Variants in SAXO1 observed in about 807,000 individuals in gnomAD.
The protein encoded by SAXO1 is stabilizer of axonemal microtubules 1, also known as 4930500O09Rik.
SAXO1 carries 21 observed loss-of-function variants against 17.5 expected under a neutral mutation model. That is an observed-to-expected ratio of 1.20 (90% CI 0.85 to 1.72). The LOEUF is 1.72. Ranked by LOEUF, SAXO1 falls within the 40% of genes most tolerant of loss-of-function variation. SAXO1 has a pLI of 0.00. For missense variants in SAXO1, 843 were observed against 596.0 expected, an observed-to-expected ratio of 1.41 and a Z score of -4.32; for synonymous variants, 274 against 216.5, an observed-to-expected ratio of 1.27 and a Z score of -2.33.
intron 1 of SAXO1, among the ~76,000 whole-genome samples, chr9:18,964,127 G>T (rs893347471): frequency 1.3e-5 from 2 of 152,198 alleles, no homozygotes; most frequent in African/African-American, 4.8e-5. Flanking sequence ...AAGCTGACTT[G>T]ATTGTGGTGG....
intron 1 of SAXO1, among the ~76,000 whole-genome samples, chr9:19,003,099 A>G (rs1183713451): frequency 1.3e-5 from 2 of 152,172 alleles, no homozygotes; most frequent in Non-Finnish European, 2.9e-5. Flanking sequence ...TACACAAAGA[A>G]CAGACAAACA....
In SAXO1 at chr9:18,928,412, G is replaced by A. The variant is rs770436685; in HGVS notation, c.1065C>T (p.Val355=). ...GCAAGTCCAGCTGGGGAACGGGCTT[G>A]ACTGGCTCTGTGCGCATGCTGGACC... is the stretch of plus-strand genomic sequence containing the variant. The part of the protein sequence containing the change: ...KQWSSMRTEP[V]KPVPQLDLPT... Residue 355 remains valine (V), a synonymous_variant, in exon 4 of 4, where the codon GTC becomes GTT. Transcript: ENST00000380534. The A allele has an allele frequency of 1.2e-6, 2 of 1,609,948 alleles. No homozygotes were observed. The highest frequency in any genetic ancestry group is 2.2e-5 in the South Asian group (2 of 90,544).
At chr9:19,039,750 T>C (rs1156891966) in intron 1 of SAXO1, among the ~76,000 whole-genome samples, 2 of 152,180 alleles carry the variant, frequency 1.3e-5, no homozygotes, top group South Asian at 2.1e-4. Context: ...TTTTTTGAGA[T>C]GAAGTCTCGT....
chr9:18,927,901 T>G lies in SAXO1; in HGVS notation c.*151A>C. 1 of 789,782 alleles carries G rather than the reference T, an allele frequency of 1.3e-6. No individual in the cohort carries two copies. Among genetic ancestry groups the G allele is most frequent in the Non-Finnish European group, 1.9e-6 (1 of 519,446 alleles). 48.9% of individuals were successfully genotyped at this position (789,782 alleles called of 1,614,324 possible). On this transcript the variant is annotated 3_prime_UTR_variant, in exon 4 of 4. Transcript: ENST00000380534. The stretch of plus-strand genomic sequence containing the variant: ...ATGTCATTTTCCCTGAGTCAAGTGA[T>G]TCTCATTTTATTCAAGTGCTCTGGA...
chr9:18,936,864 C>A (rs1240447327), intron 3 of SAXO1, among the ~76,000 whole-genome samples: 1 of 152,254 alleles, frequency 6.6e-6, no homozygotes, highest in South Asian at 2.1e-4. Flanking sequence ...GCCGCTAAAG[C>A]ATATTTTATT....
At position 18,929,070 on chromosome 9, in the gene SAXO1, G is replaced by A; in HGVS notation, c.422-15C>T. On this transcript the variant is annotated splice_polypyrimidine_tract_variant and intron_variant, in intron 3 of 3. Coordinates refer to ENST00000380534, the MANE Select transcript of SAXO1 (RefSeq NM_153707.4). Reference sequence around the variant, plus strand: ...CAAATAATCAGCTGAAATTAAAGCAGAAGAGGTAATTAATAATAAATCAAG... The same window carrying A: ...CAAATAATCAGCTGAAATTAAAGCAAAAGAGGTAATTAATAATAAATCAAG... The A allele has an allele frequency of 6.2e-7, 1 of 1,611,054 alleles. No homozygotes were observed. Among genetic ancestry groups the A allele is most frequent in the Non-Finnish European group, 8.5e-7 (1 of 1,178,662 alleles).
intron 2 of SAXO1, among the ~76,000 whole-genome samples, chr9:18,950,397 C>T (rs534328757): frequency 2.0e-4 from 30 of 152,238 alleles, no homozygotes; most frequent in African/African-American, 5.8e-4. Context: ...TGGCCTGGAG[C>T]TTTTCATGTA....
At chr9:19,020,772 T>TTAAAAATG (rs1835196480) in intron 1 of SAXO1, among the ~76,000 whole-genome samples, 1 of 152,192 alleles carries the variant, frequency 6.6e-6, no homozygotes, top group East Asian at 1.9e-4. Context: ...CAAGTTTTGA[T>TTAAAAATG]TAAAAATGTT....
At chr9:18,969,716 C>A (rs1366566617) in intron 1 of SAXO1, among the ~76,000 whole-genome samples, 1 of 152,190 alleles carries the variant, frequency 6.6e-6, no homozygotes, top group Non-Finnish European at 1.5e-5. Flanking sequence ...TTTGGATGAA[C>A]AATTTGTGAA....
At chr9:18,975,241 A>G (rs566738708) in intron 1 of SAXO1, among the ~76,000 whole-genome samples, 1 of 151,084 alleles carries the variant, frequency 6.6e-6, no homozygotes, top group Non-Finnish European at 1.5e-5. Flanking sequence ...AGGCTGGGGA[A>G]GCAGGGAGAG....
chr9:18,946,995 C>T (rs1831823076), intron 2 of SAXO1, among the ~76,000 whole-genome samples: 2 of 151,964 alleles, frequency 1.3e-5, no homozygotes, highest in Admixed American at 6.6e-5. Flanking sequence ...AAGAAGTGAA[C>T]AGAGCATCCG....
At chr9:18,947,032 A>G (rs1831824577) in intron 2 of SAXO1, among the ~76,000 whole-genome samples, 1 of 152,034 alleles carries the variant, frequency 6.6e-6, no homozygotes, top group Non-Finnish European at 1.5e-5. Flanking sequence ...TGAAGAAATA[A>G]TGGCCAAAAT....
At chr9:19,037,081 ATG>A (rs962029185), upstream of SAXO1, among the ~76,000 whole-genome samples, 2 of 152,198 alleles carry the variant, frequency 1.3e-5, no homozygotes, top group African/African-American at 4.8e-5. Context: ...TCAGACTTGC[ATG>A]GGGACTGTAA....
intron 1 of SAXO1, among the ~76,000 whole-genome samples, chr9:19,020,639 G>A (rs1223257545): frequency 6.6e-6 from 1 of 152,204 alleles, no homozygotes; most frequent in African/African-American, 2.4e-5. Flanking sequence ...GATTACAGGT[G>A]TGAGCCACTG....
chr9:19,032,600 G>T (rs1007250651), intron 1 of SAXO1, among the ~76,000 whole-genome samples: 12 of 152,300 alleles, frequency 7.9e-5, no homozygotes, highest in African/African-American at 2.9e-4. Flanking sequence ...TTCAGGGAAG[G>T]GAGTGCAGAC....
At chr9:18,976,040 G>A (rs530456733) in intron 1 of SAXO1, among the ~76,000 whole-genome samples, 43 of 152,146 alleles carry the variant, frequency 2.8e-4, no homozygotes, top group Admixed American at 1.6e-3. Context: ...ATCATCGAAA[G>A]GTAATCAGTC....
chr9:18,952,993 G>T (rs978347808), intron 1 of SAXO1, among the ~76,000 whole-genome samples: 4 of 152,158 alleles, frequency 2.6e-5, no homozygotes, highest in Non-Finnish European at 4.4e-5. Context: ...CGCCCACAGC[G>T]GATGCATGTT....
At chr9:19,030,272 G>T (rs550990378) in intron 1 of SAXO1, among the ~76,000 whole-genome samples, 198 of 151,920 alleles carry the variant, frequency 1.3e-3, no homozygotes, top group African/African-American at 4.6e-3. Context: ...AGGGAATCAT[G>T]GGAGAAAAAA....
intron 1 of SAXO1, among the ~76,000 whole-genome samples, chr9:18,994,156 G>A (rs989172950): frequency 1.3e-5 from 2 of 152,174 alleles, no homozygotes; most frequent in African/African-American, 4.8e-5. Flanking sequence ...AATTCAGACA[G>A]GTGTCAAGCA....
Sources: allele counts gnomAD v4.1 joint callset (sites outside exome capture counted in the v4.1 genomes callset), GRCh38; gene constraint gnomAD v4.1.1; transcripts MANE v1.5; gene names NCBI Gene and HGNC (gene_info 2026-07-23, HGNC 2026-07-21).